Variants in LINGO2 observed in about 807,000 individuals in gnomAD.
LINGO2 encodes the protein leucine rich repeat and Ig domain containing 2, also known as leucine-rich repeat and immunoglobulin-like domain-containing nogo receptor-interacting protein 2.
LINGO2 carries 14 observed loss-of-function variants against 30.6 expected under a neutral mutation model. The observed-to-expected ratio is 0.46, with a 90% confidence interval of 0.30 to 0.72. The LOEUF (loss-of-function observed/expected upper bound fraction) is 0.72, where lower values mean the gene tolerates loss of function less well. Among genes scored for constraint, LINGO2 ranks in the 30% least tolerant of loss-of-function variants. The pLI is 0.07. For missense variants in LINGO2, 729 were observed against 751.7 expected (o/e 0.97, Z 0.35); for synonymous variants, 317 against 288.5 (o/e 1.10, Z -1.00).
intron 4 of LINGO2, among the ~76,000 whole-genome samples, chr9:28,204,961 T>C (rs1030922614): frequency 1.3e-5 from 2 of 152,030 alleles, no homozygotes; most frequent in African/African-American, 2.4e-5. Context: ...ACTAGCCCAA[T>C]TGGCCTCTGC....
At chr9:28,740,513 A>C in the LINGO2 span, among the ~76,000 whole-genome samples, 1 of 151,724 alleles carries the variant, frequency 6.6e-6, no homozygotes, top group Non-Finnish European at 1.5e-5. Flanking sequence ...CATCTTTAAT[A>C]TTATTGCTGA....
At chr9:28,612,599 C>T (rs1825968176) in intron 1 of LINGO2, among the ~76,000 whole-genome samples, 1 of 152,100 alleles carries the variant, frequency 6.6e-6, no homozygotes, top group Non-Finnish European at 1.5e-5. Context: ...TTTGTTTTAG[C>T]CAGCTTCTAC....
At chr9:28,865,290 A>G in the LINGO2 span, among the ~76,000 whole-genome samples, 1 of 152,178 alleles carries the variant, frequency 6.6e-6, no homozygotes, top group Non-Finnish European at 1.5e-5. Flanking sequence ...AGAACTCCAG[A>G]ATAATGAGGC....
the LINGO2 span, among the ~76,000 whole-genome samples, chr9:28,716,760 C>T: frequency 2.0e-5 from 3 of 151,946 alleles, no homozygotes; most frequent in East Asian, 5.8e-4. Context: ...ATATAGCAAC[C>T]CAAAATTTTT....
the LINGO2 span, among the ~76,000 whole-genome samples, chr9:29,170,456 G>A: frequency 6.6e-6 from 1 of 152,040 alleles, no homozygotes; most frequent in African/African-American, 2.4e-5. Context: ...AAGGTGGGAA[G>A]GGAAGAAAGA....
chr9:28,496,086 A>G lies in LINGO2; in HGVS notation c.-364-20061T>C, dbSNP rs368134718. ...AGGAGTGCTTTACTTCCAACTATGTAGTCAATTTTGGAATAAGTGTGATGT... is the reference window on the plus strand; with the variant it reads ...AGGAGTGCTTTACTTCCAACTATGTGGTCAATTTTGGAATAAGTGTGATGT... On this transcript the variant is annotated intron_variant, in intron 1 of 5. Transcript: ENST00000379992. Among the ~76,000 whole-genome samples, 147 of 148,250 alleles carry G rather than the reference A, an allele frequency of 9.9e-4. 1 individual carries two copies. The highest frequency in any genetic ancestry group is 3.0e-3 in the East Asian group (14 of 4,698).
chr9:28,797,359 T>TATATATATATAGAGAG, the LINGO2 span, among the ~76,000 whole-genome samples: 12 of 34,212 alleles, frequency 3.5e-4, no homozygotes, highest in Non-Finnish European at 4.3e-4. Context: ...TATATATATA[T>TATATATATATAGAGAG]AGAGAGAGAG....
chr9:29,014,357 C>T, the LINGO2 span, among the ~76,000 whole-genome samples: 1 of 152,158 alleles, frequency 6.6e-6, no homozygotes, highest in African/African-American at 2.4e-5. Context: ...GACACCACTG[C>T]ACTTGCCTAT....
chr9:29,193,169 A>G, the LINGO2 span, among the ~76,000 whole-genome samples: 1 of 152,178 alleles, frequency 6.6e-6, no homozygotes, highest in East Asian at 1.9e-4. Context: ...CAAACACACC[A>G]AAATGTATCT....
At chr9:28,858,453 C>G in the LINGO2 span, among the ~76,000 whole-genome samples, 1 of 151,974 alleles carries the variant, frequency 6.6e-6, no homozygotes, top group African/African-American at 2.4e-5. Flanking sequence ...GCATTATAAC[C>G]ACTATATTTT....
At chr9:28,663,722 A>T (rs1828677179) in intron 1 of LINGO2, among the ~76,000 whole-genome samples, 1 of 152,202 alleles carries the variant, frequency 6.6e-6, no homozygotes, top group Non-Finnish European at 1.5e-5. Context: ...AAGAACACAT[A>T]AACCATTTAA....
chr9:28,085,105 T>A (rs188284400), intron 4 of LINGO2, among the ~76,000 whole-genome samples: 1 of 152,244 alleles, frequency 6.6e-6, no homozygotes, highest in East Asian at 1.9e-4. Flanking sequence ...CTCAAAAAAC[T>A]TGCCTATGGT....
chr9:28,890,124 C>T, the LINGO2 span, among the ~76,000 whole-genome samples: 6 of 152,006 alleles, frequency 3.9e-5, no homozygotes, highest in East Asian at 1.2e-3. Flanking sequence ...TATGTAAATA[C>T]TTTATTGAAG....
the LINGO2 span, among the ~76,000 whole-genome samples, chr9:28,873,974 A>G: frequency 6.6e-6 from 1 of 152,062 alleles, no homozygotes; most frequent in East Asian, 1.9e-4. Context: ...TCCATAAATA[A>G]ATAACATTAA....
intron 4 of LINGO2, among the ~76,000 whole-genome samples, chr9:28,040,975 G>A (rs1824172728): frequency 6.6e-6 from 1 of 152,182 alleles, no homozygotes; most frequent in Non-Finnish European, 1.5e-5. Flanking sequence ...AGGAAAGACA[G>A]TCACATATTG....
chr9:28,717,279 A>T, the LINGO2 span, among the ~76,000 whole-genome samples: 41 of 151,772 alleles, frequency 2.7e-4, no homozygotes, highest in Non-Finnish European at 5.7e-4. Context: ...ACTGAGCTCA[A>T]ACTAGGGGAA....
At chr9:29,139,289 C>A in the LINGO2 span, among the ~76,000 whole-genome samples, 1 of 152,150 alleles carries the variant, frequency 6.6e-6, no homozygotes, top group Non-Finnish European at 1.5e-5. Context: ...GATAAAACTG[C>A]AGCTAAATGA....
chr9:28,624,473 T>C (rs746224941), intron 1 of LINGO2, among the ~76,000 whole-genome samples: 5 of 152,136 alleles, frequency 3.3e-5, no homozygotes, highest in Non-Finnish European at 7.4e-5. Context: ...TCCATATTGA[T>C]TGATTTGCGT....
the LINGO2 span, among the ~76,000 whole-genome samples, chr9:29,157,934 T>TA: frequency 6.6e-6 from 1 of 152,062 alleles, no homozygotes; most frequent in Non-Finnish European, 1.5e-5. Context: ...AGAATGTGTA[T>TA]AAAAAAATAT....
Sources: allele counts gnomAD v4.1 joint callset (sites outside exome capture counted in the v4.1 genomes callset), GRCh38; gene constraint gnomAD v4.1.1; transcripts MANE v1.5; gene names NCBI Gene and HGNC (gene_info 2026-07-23, HGNC 2026-07-21).